Variants in RBM20 observed in about 807,000 individuals in gnomAD.
RBM20 encodes the protein RNA binding motif protein 20.
A neutral mutation model predicts 110.1 loss-of-function variants in RBM20; 51 were observed. That is an observed-to-expected ratio of 0.46 (90% CI 0.37 to 0.59). The LOEUF (loss-of-function observed/expected upper bound fraction) is 0.59. RBM20 is among the 20% of genes least tolerant of loss of function. The pLI, the probability that RBM20 is intolerant of heterozygous loss-of-function variation, is 0.00. For missense variants in RBM20, 1,512 were observed against 1,574.9 expected (o/e 0.96, Z 0.68); for synonymous variants, 589 against 618.2 (o/e 0.95, Z 0.70).
chr10:110,798,001 T>C (rs1844574135), intron 6 of RBM20, among the ~76,000 whole-genome samples: 1 of 152,188 alleles, frequency 6.6e-6, no homozygotes, highest in Non-Finnish European at 1.5e-5. Context: ...ATTATAATCT[T>C]ATCCTCTAAG....
intron 7 of RBM20, among the ~76,000 whole-genome samples, chr10:110,807,445 A>G (rs1389300614): frequency 1.3e-5 from 2 of 152,196 alleles, no homozygotes; most frequent in East Asian, 1.9e-4. Context: ...TTTCATCTGC[A>G]GTGTCTGATC....
At chr10:110,765,602 A>G (rs1416398867) in intron 1 of RBM20, among the ~76,000 whole-genome samples, 1 of 152,334 alleles carries the variant, frequency 6.6e-6, no homozygotes, top group South Asian at 2.1e-4. Context: ...GTCTGTTAGC[A>G]GACTCAAGCA....
intron 7 of RBM20, 80 bp from the exon 8 acceptor site, chr10:110,810,303 A>G: frequency 1.9e-6 from 2 of 1,038,364 alleles, no homozygotes; most frequent in Non-Finnish European, 1.5e-6. Context: ...CAGGCAATGA[A>G]TGACCCAGGT....
intron 1 of RBM20, among the ~76,000 whole-genome samples, chr10:110,648,470 A>AAT (rs1861899462): frequency 6.6e-6 from 1 of 152,248 alleles, no homozygotes; most frequent in Non-Finnish European, 1.5e-5. Context: ...AGAGAGAAGA[A>AAT]ATAAGAATTT....
chr10:110,761,771 C>A (rs1844007695), intron 1 of RBM20, among the ~76,000 whole-genome samples: 2 of 152,240 alleles, frequency 1.3e-5, no homozygotes, highest in Non-Finnish European at 2.9e-5. Context: ...GCATGGAGGC[C>A]AGATTATCCC....
At position 110,676,791 on chromosome 10, in the gene RBM20, A is replaced by G. The variant is rs558188070; in HGVS notation, c.191+32146A>G. On this transcript the variant is annotated intron_variant, in intron 1 of 13. Transcript: ENST00000369519. ...GGCTTCTTTGGAAGCAACAAATGCT[A>G]TTTTTTTTGCTTCAAATCCAATATT... Among the ~76,000 whole-genome samples the G allele has an allele frequency of 4.3e-3, 660 of 152,040 alleles. 4 individuals carry two copies. The highest frequency in any genetic ancestry group is 0.015 in the African/African-American group (614 of 41,418).
At chr10:110,718,900 G>A (rs1024440642) in intron 1 of RBM20, among the ~76,000 whole-genome samples, 1 of 152,126 alleles carries the variant, frequency 6.6e-6, no homozygotes, top group Non-Finnish European at 1.5e-5. Context: ...ACAGGCATAA[G>A]CCACCATACC....
At chr10:110,723,490 A>C (rs1843531140) in intron 1 of RBM20, among the ~76,000 whole-genome samples, 1 of 152,238 alleles carries the variant, frequency 6.6e-6, no homozygotes, top group East Asian at 1.9e-4. Flanking sequence ...TAACATTTTG[A>C]GGAGCATCCA....
chr10:110,788,585 C>G (rs1479164295), intron 5 of RBM20, among the ~76,000 whole-genome samples: 2 of 152,184 alleles, frequency 1.3e-5, no homozygotes, highest in African/African-American at 2.4e-5. Context: ...ACGCTGGTCC[C>G]CCGGTTTGCC....
chr10:110,694,864 A>G (rs1262402162), intron 1 of RBM20, among the ~76,000 whole-genome samples: 3 of 152,180 alleles, frequency 2.0e-5, no homozygotes, highest in East Asian at 3.8e-4. Flanking sequence ...TCAAAATTCA[A>G]CAATTTTGAA....
At chr10:110,820,742 C>T (rs1844897505) in intron 10 of RBM20, among the ~76,000 whole-genome samples, 1 of 152,210 alleles carries the variant, frequency 6.6e-6, no homozygotes, top group Non-Finnish European at 1.5e-5. Flanking sequence ...GTATCGCTGG[C>T]AGGGAAGCTG....
Position 110,781,249 on chromosome 10 carries a change from T to A in RBM20, c.640T>A (p.Leu214Met). The A allele has an allele frequency of 6.4e-7, 1 of 1,551,714 alleles. No individual in the cohort carries two copies. Among genetic ancestry groups the A allele is most frequent in the Non-Finnish European group, 8.7e-7 (1 of 1,147,002 alleles). ...GACCCCTGGCCAGCCAGCAGTCATCTTGGGCATTGGCAAGACTGGGCCTGC... is the reference window on the plus strand; with the variant it reads ...GACCCCTGGCCAGCCAGCAGTCATCATGGGCATTGGCAAGACTGGGCCTGC... ...PQTPGQPAVI[L>M]GIGKTGPAPA... Residue 214 changes from leucine to methionine, a missense_variant, in exon 2 of 14, where the codon TTG becomes ATG. By Grantham distance (15) the Leu-to-Met change is conservative. Around this residue, in one of 3 missense-constraint regions of RBM20, gnomAD observed 1,149 missense variants for 1,169.4 expected, o/e 0.98. Transcript: ENST00000369519.
At chr10:110,800,449 T>A (rs11528238) in intron 7 of RBM20, among the ~76,000 whole-genome samples, 13,552 of 152,302 alleles carry the variant, frequency 0.089, 1,416 homozygotes, top group East Asian at 0.55. Flanking sequence ...TTTTAGCTGA[T>A]CTACGTTTCT....
At position 110,669,274 on chromosome 10, in the gene RBM20, T is replaced by A. The variant is rs961336274; in HGVS notation, c.191+24629T>A. On this transcript the variant is annotated intron_variant, in intron 1 of 13. Coordinates refer to ENST00000369519, the MANE Select transcript of RBM20 (RefSeq NM_001134363.3). Reference sequence around the variant, plus strand: ...CTGAGAGGGAAGCACTGGGAAGGAGTGTGGCAAGTCTGTATGCGTGTGGCG... The same window carrying A: ...CTGAGAGGGAAGCACTGGGAAGGAGAGTGGCAAGTCTGTATGCGTGTGGCG... Among the ~76,000 whole-genome samples, 4 of 151,936 alleles carry A rather than the reference T, an allele frequency of 2.6e-5. No individual in the cohort carries two copies. In the South Asian group the frequency reaches 8.3e-4, roughly 32 times the overall value.
rs1217393739 is a variant in RBM20 at position 110,821,859 on chromosome 10, C to A, written c.3240C>A (p.Ser1080Arg). 3 of 1,551,702 alleles carry A rather than the reference C, an allele frequency of 1.9e-6. No individual in the cohort carries two copies. The highest frequency in any genetic ancestry group is 2.6e-6 in the Non-Finnish European group (3 of 1,146,990). ...CCGAAGATGGGGCTTGTGAAGGCAG[C>A]CCCCTGGAGGAGAAAGCCAGCCCCC... ...GTPEDGACEG[S>R]PLEEKASPPI... Residue 1080 changes from serine to arginine, a missense_variant, in exon 11 of 14, where the codon AGC (serine) becomes AGA (arginine). Ser to Arg is a moderately radical substitution (Grantham distance 110). Coordinates refer to ENST00000369519, the MANE Select transcript of RBM20 (RefSeq NM_001134363.3).
intron 9 of RBM20, among the ~76,000 whole-genome samples, chr10:110,814,822 G>A (rs531491281): frequency 6.6e-6 from 1 of 152,304 alleles, no homozygotes; most frequent in East Asian, 1.9e-4. Context: ...AGAAGCCAGG[G>A]CAAAAGTGAA....
intron 1 of RBM20, among the ~76,000 whole-genome samples, chr10:110,765,917 C>T (rs1249873884): frequency 6.6e-6 from 1 of 152,140 alleles, no homozygotes; most frequent in East Asian, 1.9e-4. Flanking sequence ...GCCCTTCCCC[C>T]ACATGCATAT....
intron 1 of RBM20, among the ~76,000 whole-genome samples, chr10:110,746,154 C>T (rs1843777531): frequency 6.6e-6 from 1 of 152,148 alleles, no homozygotes; most frequent in Admixed American, 6.5e-5. Context: ...GAATCTCATG[C>T]TGAAGGAGGC....
Position 110,781,889 on chromosome 10 carries a change from G to C in RBM20, c.1275+5G>C. On this transcript the variant is annotated splice_donor_5th_base_variant and intron_variant, in intron 2 of 13. Transcript: ENST00000369519. ...AAGAAGGTGTTTGATTTGAAGGTGAGTTGTCCAAGACAGGCTGGGAGCCAC... is the reference window on the plus strand; with the variant it reads ...AAGAAGGTGTTTGATTTGAAGGTGACTTGTCCAAGACAGGCTGGGAGCCAC... 1 of 1,551,720 alleles carries C rather than the reference G, an allele frequency of 6.4e-7. No homozygotes were observed. Among genetic ancestry groups the C allele is most frequent in the Non-Finnish European group, 8.7e-7 (1 of 1,147,014 alleles).
Sources: gnomAD v4.1 joint callset for allele counts (sites outside exome capture counted in the v4.1 genomes callset) on GRCh38, gnomAD v4.1.1 for gene constraint, gnomAD v4.1.1 regional missense constraint, MANE v1.5 for transcripts, NCBI Gene and HGNC (gene_info 2026-07-23, HGNC 2026-07-21) for gene names.